The following PAWR variants were observed in gnomAD, a reference collection of about 807,000 sequenced individuals.
The protein encoded by PAWR is pro-apoptotic WT1 regulator, also known as PRKC apoptosis WT1 regulator protein.
PAWR carries 23 observed loss-of-function variants against 32.0 expected under a neutral mutation model. The observed-to-expected ratio is 0.72, with a 90% CI of 0.52 to 1.02. The LOEUF is 1.02. Among genes scored for constraint, PAWR ranks in the 50% least tolerant of loss-of-function variants. The pLI, the probability that PAWR is intolerant of heterozygous loss-of-function variation, is 0.00. For synonymous variants in PAWR, 226 were observed against 187.1 expected (o/e 1.21, Z -1.70); for missense variants, 457 against 437.7 (o/e 1.04, Z -0.39).
intron 2 of PAWR, among the ~76,000 whole-genome samples, chr12:79,654,357 G>A (rs192234118): frequency 1.3e-5 from 2 of 152,030 alleles, no homozygotes; most frequent in Non-Finnish European, 2.9e-5. Flanking sequence ...AAATGGAGAG[G>A]GATGTGTTTC....
At chr12:79,686,441 C>G (rs73347526) in intron 2 of PAWR, among the ~76,000 whole-genome samples, 1,810 of 152,252 alleles carry the variant, frequency 0.012, 44 homozygotes, top group African/African-American at 0.041. Flanking sequence ...TGCAGTCCAA[C>G]AGTTGTTATC....
chr12:79,633,729 CTTAT>C (rs747497378), intron 2 of PAWR, among the ~76,000 whole-genome samples: 2 of 152,016 alleles, frequency 1.3e-5, no homozygotes, highest in African/African-American at 2.4e-5. Context: ...CATTTGCATC[CTTAT>C]TTAAAGAAAC....
intron 2 of PAWR, among the ~76,000 whole-genome samples, chr12:79,689,249 CT>C (rs1227907213): frequency 2.6e-5 from 4 of 152,174 alleles, no homozygotes; most frequent in Non-Finnish European, 4.4e-5. Flanking sequence ...ATAAAGCTGT[CT>C]TGGATATTGC....
At position 79,689,836 on chromosome 12, in the gene PAWR, C is replaced by T. The variant is rs978348166; in HGVS notation, c.409G>A (p.Gly137Ser). The change falls in exon 2 of 7, where the codon GGC (glycine) becomes AGC (serine). Residue 137 changes from glycine to serine, a missense_variant. Gly to Ser is a moderately conservative substitution (Grantham distance 56, BLOSUM62 0). Transcript: ENST00000328827. Reference sequence around the variant, plus strand: ...CTGGCACTGGGGCCCGAGCTCTTGCCCTTCTCTGGGACGCCGTCCGGCTCC... The same window carrying T: ...CTGGCACTGGGGCCCGAGCTCTTGCTCTTCTCTGGGACGCCGTCCGGCTCC... ...EEEPDGVPEKGKSSGPSARKG... is the reference protein window; with the variant it reads ...EEEPDGVPEKSKSSGPSARKG... 3 of 1,592,406 alleles carry T rather than the reference C, an allele frequency of 1.9e-6. No individual in the cohort carries two copies. In the African/African-American group the frequency reaches 4.1e-5, roughly 22 times the overall value.
chr12:79,641,878 C>T (rs984015996), intron 2 of PAWR, among the ~76,000 whole-genome samples: 2 of 121,000 alleles, frequency 1.7e-5, no homozygotes, highest in South Asian at 6.2e-4. Flanking sequence ...AAAAAAAAGT[C>T]ATATGATTTA....
intron 2 of PAWR, among the ~76,000 whole-genome samples, chr12:79,662,927 A>T (rs889318115): frequency 6.6e-6 from 1 of 152,216 alleles, no homozygotes; most frequent in African/African-American, 2.4e-5. Context: ...AAAACAAAAA[A>T]TAGCTATCCT....
chr12:79,680,764 C>G (rs1447138651), intron 2 of PAWR, among the ~76,000 whole-genome samples: 1 of 152,078 alleles, frequency 6.6e-6, no homozygotes, highest in Non-Finnish European at 1.5e-5. Flanking sequence ...ACCTATGAGA[C>G]TCTTTCAATG....
At chr12:79,629,728 C>T (rs772458988) in intron 2 of PAWR, among the ~76,000 whole-genome samples, 3 of 151,974 alleles carry the variant, frequency 2.0e-5, no homozygotes, top group Non-Finnish European at 4.4e-5. Context: ...TAAGACAGAA[C>T]ATATTGTGGA....
At chr12:79,637,561 A>T (rs2136760993) in intron 2 of PAWR, among the ~76,000 whole-genome samples, 1 of 152,064 alleles carries the variant, frequency 6.6e-6, no homozygotes, top group Admixed American at 6.6e-5. Context: ...AAAAAAAGAT[A>T]AATTGAAATA....
chr12:79,608,388 T>C (rs1317612664), intron 4 of PAWR, among the ~76,000 whole-genome samples: 1 of 152,152 alleles, frequency 6.6e-6, no homozygotes, highest in Non-Finnish European at 1.5e-5. Context: ...GCATGTAACC[T>C]AGGTCCCTCG....
intron 2 of PAWR, among the ~76,000 whole-genome samples, chr12:79,687,617 A>C (rs906457455): frequency 2.0e-5 from 3 of 152,144 alleles, no homozygotes; most frequent in Admixed American, 6.5e-5. Flanking sequence ...AATATGTATG[A>C]CTTTTTAAAA....
chr12:79,685,945 T>C (rs183004429), intron 2 of PAWR, among the ~76,000 whole-genome samples: 13 of 152,298 alleles, frequency 8.5e-5, no homozygotes, highest in Admixed American at 2.6e-4. Context: ...TTCTATGTGA[T>C]CTTGAATCAT....
At chr12:79,600,201 T>C (rs1018397989) in intron 4 of PAWR, among the ~76,000 whole-genome samples, 5 of 152,184 alleles carry the variant, frequency 3.3e-5, no homozygotes, top group African/African-American at 1.2e-4. Context: ...ACTTCCATTG[T>C]CATCATTTGG....
At chr12:79,636,494 A>G (rs934136127) in intron 2 of PAWR, among the ~76,000 whole-genome samples, 2 of 152,112 alleles carry the variant, frequency 1.3e-5, no homozygotes, top group Admixed American at 1.3e-4. Context: ...AAGAAAATAC[A>G]ATGTTAAAAA....
chr12:79,673,259 C>T (rs555091138), intron 2 of PAWR, among the ~76,000 whole-genome samples: 5 of 152,038 alleles, frequency 3.3e-5, no homozygotes, highest in South Asian at 2.1e-4. Context: ...TTAGTAGAGA[C>T]GGGGTTTCAC....
intron 3 of PAWR, among the ~76,000 whole-genome samples, chr12:79,616,505 T>G (rs757036943): frequency 1.3e-5 from 2 of 152,016 alleles, no homozygotes; most frequent in African/African-American, 2.4e-5. Context: ...AAACTTAGAG[T>G]AATAGAGATA....
chr12:79,647,372 T>C (rs2136787923), intron 2 of PAWR, among the ~76,000 whole-genome samples: 1 of 152,288 alleles, frequency 6.6e-6, no homozygotes, highest in East Asian at 1.9e-4. Flanking sequence ...GTTTAACTTT[T>C]TGAAATTAGG....
chr12:79,687,391 A>T (rs188217080), intron 2 of PAWR, among the ~76,000 whole-genome samples: 270 of 152,334 alleles, frequency 1.8e-3, no homozygotes, highest in African/African-American at 5.8e-3. Context: ...GATGTTTCAT[A>T]AGTACTTCCT....
intron 2 of PAWR, among the ~76,000 whole-genome samples, chr12:79,679,445 T>C (rs1565704242): frequency 6.6e-6 from 1 of 152,194 alleles, no homozygotes; most frequent in Non-Finnish European, 1.5e-5. Context: ...TGAATTTCAG[T>C]ACTGTAGTAA....
Sources: allele counts gnomAD v4.1 joint callset (sites outside exome capture counted in the v4.1 genomes callset), GRCh38; gene constraint gnomAD v4.1.1; transcripts MANE v1.5; gene names NCBI Gene and HGNC (gene_info 2026-07-23, HGNC 2026-07-21).